The following TMPRSS11F variants were observed in gnomAD, a reference collection of about 807,000 sequenced individuals.
TMPRSS11F encodes transmembrane protease serine 11F.
TMPRSS11F carries 47 observed loss-of-function variants against 60.2 expected under a neutral mutation model. That is an observed-to-expected ratio of 0.78 (90% CI 0.62 to 1.00). The LOEUF is 1.00. Among genes scored for constraint, TMPRSS11F ranks in the 50% least tolerant of loss-of-function variants. The pLI is 0.00. For missense variants in TMPRSS11F, 519 were observed against 522.9 expected, an observed-to-expected ratio of 0.99 and a Z score of 0.07; for synonymous variants, 166 against 167.3, an observed-to-expected ratio of 0.99 and a Z score of 0.06.
At chr4:68,091,186 A>G (rs1723922781) in intron 2 of TMPRSS11F, among the ~76,000 whole-genome samples, 1 of 152,084 alleles carries the variant, frequency 6.6e-6, no homozygotes, top group Admixed American at 6.6e-5. Context: ...AACCATTGTA[A>G]TGTCTTTCAT....
At chr4:68,104,255 C>T (rs897130197) in intron 1 of TMPRSS11F, among the ~76,000 whole-genome samples, 23 of 152,086 alleles carry the variant, frequency 1.5e-4, no homozygotes, top group African/African-American at 5.1e-4. Context: ...CCACTGATTA[C>T]GATATTGGTT....
chr4:68,105,045 C>G (rs1481666881), intron 1 of TMPRSS11F, among the ~76,000 whole-genome samples: 3 of 110,294 alleles, frequency 2.7e-5, no homozygotes, highest in African/African-American at 1.1e-4. Context: ...ATCATTCCCT[C>G]TAGGTTTTTT....
At chr4:68,117,094 A>G (rs1333277494) in intron 1 of TMPRSS11F, among the ~76,000 whole-genome samples, 1 of 152,170 alleles carries the variant, frequency 6.6e-6, no homozygotes, top group African/African-American at 2.4e-5. Flanking sequence ...CAAGCCATGT[A>G]TTTGATAAAA....
At chr4:68,058,914 A>C (rs927979401) in intron 9 of TMPRSS11F, among the ~76,000 whole-genome samples, 32 of 152,194 alleles carry the variant, frequency 2.1e-4, no homozygotes, top group African/African-American at 7.5e-4. Flanking sequence ...AGAGTATAGA[A>C]GATCACTGGA....
At chr4:68,105,440 T>C (rs759358675) in intron 1 of TMPRSS11F, among the ~76,000 whole-genome samples, 42 of 152,064 alleles carry the variant, frequency 2.8e-4, no homozygotes, top group Non-Finnish European at 7.4e-5. Flanking sequence ...GTTGACTGGG[T>C]TTAATTCTGG....
At chr4:68,092,037 A>T (rs7688303) in intron 2 of TMPRSS11F, among the ~76,000 whole-genome samples, 1 of 151,682 alleles carries the variant, frequency 6.6e-6, no homozygotes. Context: ...CCATGAGCCT[A>T]GGCCTCCCAA....
intron 9 of TMPRSS11F, among the ~76,000 whole-genome samples, chr4:68,056,258 G>A (rs1723043174): frequency 6.6e-6 from 1 of 152,078 alleles, no homozygotes. Flanking sequence ...TTGACAACAT[G>A]ATCTTATAGA....
intron 1 of TMPRSS11F, among the ~76,000 whole-genome samples, chr4:68,115,268 A>G (rs886597446): frequency 5.4e-5 from 8 of 149,412 alleles, no homozygotes; most frequent in Non-Finnish European, 8.9e-5. Context: ...GAGGCAGGAG[A>G]ATGGTGTGAA....
In TMPRSS11F at chr4:68,065,903, G is replaced by A. The variant is rs543908991; in HGVS notation, c.756-959C>T. ...GAGGCCAAGGCGGGTAGACCATGAGGTCAGGAGTTCAAGACCAGCCTGACC... is the reference window on the plus strand; with the variant it reads ...GAGGCCAAGGCGGGTAGACCATGAGATCAGGAGTTCAAGACCAGCCTGACC... On this transcript the variant is annotated intron_variant, in intron 7 of 9. Transcript: ENST00000356291. Among the ~76,000 whole-genome samples, 8 of 152,192 alleles carry A rather than the reference G, an allele frequency of 5.3e-5. No homozygotes were observed. The East Asian group carries it at 1.5e-3, about 29-fold the overall frequency.
chr4:68,102,987 T>TA (rs1724223404), intron 1 of TMPRSS11F, among the ~76,000 whole-genome samples: 1 of 151,312 alleles, frequency 6.6e-6, no homozygotes, highest in Non-Finnish European at 1.5e-5. Context: ...TTGAGTTGTT[T>TA]TTTTTTTTTT....
At chr4:68,118,100 AAGAC>A (rs1265594910) in intron 1 of TMPRSS11F, among the ~76,000 whole-genome samples, 1 of 152,234 alleles carries the variant, frequency 6.6e-6, no homozygotes, top group Non-Finnish European at 1.5e-5. Flanking sequence ...CCAAAGTAGA[AAGAC>A]AGAAATAACC....
At chr4:68,123,076 G>A (rs780151908) in intron 1 of TMPRSS11F, among the ~76,000 whole-genome samples, 1 of 152,168 alleles carries the variant, frequency 6.6e-6, no homozygotes, top group Non-Finnish European at 1.5e-5. Context: ...AAAGAAGAGA[G>A]CAGCTAATAA....
intron 1 of TMPRSS11F, among the ~76,000 whole-genome samples, chr4:68,107,152 T>C (rs2109877904): frequency 6.6e-6 from 1 of 152,314 alleles, no homozygotes; most frequent in Non-Finnish European, 1.5e-5. Flanking sequence ...GACTGCCAAG[T>C]ATAGTATTAA....
At chr4:68,058,975 G>C (rs894059083) in intron 9 of TMPRSS11F, among the ~76,000 whole-genome samples, 3 of 152,122 alleles carry the variant, frequency 2.0e-5, no homozygotes, top group Non-Finnish European at 4.4e-5. Context: ...GGTCAGTGTT[G>C]CTAATGCAGG....
intron 3 of TMPRSS11F, among the ~76,000 whole-genome samples, chr4:68,083,323 G>T (rs1723744356): frequency 6.6e-6 from 1 of 152,036 alleles, no homozygotes; most frequent in Non-Finnish European, 1.5e-5. Context: ...TGATTAAAGG[G>T]GGCCCCCTAA....
In TMPRSS11F at chr4:68,097,611, T is replaced by A. The variant is rs144175972; in HGVS notation, c.163+1276A>T. Among the ~76,000 whole-genome samples the A allele has an allele frequency of 3.3e-5, 5 of 152,286 alleles. No individual in the cohort carries two copies. The East Asian group carries it at 9.7e-4, about 29-fold the overall frequency. On this transcript the variant is annotated intron_variant, in intron 2 of 9. Coordinates refer to ENST00000356291, the MANE Select transcript of TMPRSS11F (RefSeq NM_207407.2). Reference sequence around the variant, plus strand: ...TTCTAACAATTAGGACATGGACATCTTGGCATGGGAATGGGGCATTATTCA... The same window carrying A: ...TTCTAACAATTAGGACATGGACATCATGGCATGGGAATGGGGCATTATTCA...
intron 2 of TMPRSS11F, among the ~76,000 whole-genome samples, chr4:68,096,056 A>G (rs189866128): frequency 5.3e-5 from 8 of 152,230 alleles, no homozygotes; most frequent in Admixed American, 2.6e-4. Flanking sequence ...CCAAATGTCT[A>G]TAAGTATTTG....
intron 3 of TMPRSS11F, among the ~76,000 whole-genome samples, chr4:68,079,028 C>T (rs1483961641): frequency 9.8e-6 from 1 of 101,546 alleles, no homozygotes; most frequent in Non-Finnish European, 2.6e-5. Flanking sequence ...AAACCATAGT[C>T]CCCCAATGCA....
chr4:68,072,412 AT>A lies in TMPRSS11F; in HGVS notation c.424del (p.Ile142SerfsTer13), dbSNP rs1338406182. 4 of 1,597,914 alleles carry A rather than the reference AT, an allele frequency of 2.5e-6. No individual in the cohort carries two copies. Among genetic ancestry groups the A allele is most frequent in the Non-Finnish European group, 3.4e-6 (4 of 1,170,498 alleles). On this transcript the variant is annotated frameshift_variant, in exon 5 of 10. Transcript: ENST00000356291. LOFTEE classifies it high-confidence loss of function. The stretch of plus-strand genomic sequence containing the variant: ...TAAAGCCTTTTCAATTTTTTTCTTG[AT>A]TTGTTCAGCACTATCAGTAGATGGG... The part of the protein sequence containing the change: ...RYPSTDSAEQ[I>X]KKKIEKALYQ...
Sources: allele counts gnomAD v4.1 joint callset (sites outside exome capture counted in the v4.1 genomes callset), GRCh38; gene constraint gnomAD v4.1.1; transcripts MANE v1.5; gene names NCBI Gene and HGNC (gene_info 2026-07-23, HGNC 2026-07-21).